KCNH1: variants seen among roughly 807,000 people sequenced by gnomAD.
KCNH1 encodes the protein potassium voltage-gated channel subfamily H member 1.
A neutral mutation model predicts 69.2 loss-of-function variants in KCNH1; 27 were observed. The ratio of observed to expected loss-of-function variants is 0.39; its 90% CI spans 0.29 to 0.54. KCNH1 has a LOEUF of 0.54. Among genes scored for constraint, KCNH1 ranks in the 20% least tolerant of loss-of-function variants. KCNH1 has a pLI of 0.68. For synonymous variants in KCNH1, 456 were observed against 487.7 expected (o/e 0.93, Z 0.86); for missense variants, 798 against 1,261.6 (o/e 0.63, Z 5.57).
rs1681274190 is a variant in KCNH1 at position 210,681,844 on chromosome 1, G to A, written c.*1437C>T. The stretch of plus-strand genomic sequence containing the variant: ...TTTGGGGTCCTGACACCTCTCTCTA[G>A]GGCATATGCCCCGGCCAGCTCCACT... On this transcript the variant is annotated 3_prime_UTR_variant, in exon 11 of 11. Transcript: ENST00000271751. 1 of 152,184 alleles carries A rather than the reference G, an allele frequency of 6.6e-6. No individual in the cohort carries two copies. 9.4% of individuals were successfully genotyped at this position (152,184 alleles called of 1,614,324 possible).
At chr1:211,050,811 A>C (rs999085046) in intron 5 of KCNH1, among the ~76,000 whole-genome samples, 5 of 152,162 alleles carry the variant, frequency 3.3e-5, no homozygotes, top group Non-Finnish European at 7.4e-5. Context: ...GGAAGGAGTT[A>C]ATGTGAAAAG....
intron 7 of KCNH1, among the ~76,000 whole-genome samples, chr1:210,874,156 C>T (rs1686314310): frequency 6.6e-6 from 1 of 152,192 alleles, no homozygotes; most frequent in Non-Finnish European, 1.5e-5. Flanking sequence ...CTGCTGGGCA[C>T]TGTAGCAGCT....
intron 6 of KCNH1, among the ~76,000 whole-genome samples, chr1:210,998,546 C>A (rs562232283): frequency 6.6e-6 from 1 of 152,278 alleles, no homozygotes; most frequent in Non-Finnish European, 1.5e-5. Flanking sequence ...GACTTAGACT[C>A]CCACACGATA....
At chr1:211,030,246 T>C (rs1689758218) in intron 5 of KCNH1, among the ~76,000 whole-genome samples, 1 of 152,238 alleles carries the variant, frequency 6.6e-6, no homozygotes, top group South Asian at 2.1e-4. Flanking sequence ...CATCAAATTA[T>C]ATACATTAAA....
At chr1:210,771,699 T>C (rs1432988558) in intron 10 of KCNH1, among the ~76,000 whole-genome samples, 1 of 152,238 alleles carries the variant, frequency 6.6e-6, no homozygotes, top group Non-Finnish European at 1.5e-5. Flanking sequence ...GCAAATATTA[T>C]CTTATTTAAT....
At chr1:210,874,896 C>T (rs1686334487) in intron 7 of KCNH1, among the ~76,000 whole-genome samples, 1 of 152,070 alleles carries the variant, frequency 6.6e-6, no homozygotes, top group Non-Finnish European at 1.5e-5. Flanking sequence ...TCCAAATACA[C>T]AGACTGAAGG....
intron 9 of KCNH1, among the ~76,000 whole-genome samples, chr1:210,782,690 C>T (rs1684010670): frequency 6.6e-6 from 1 of 151,700 alleles, no homozygotes; most frequent in Admixed American, 6.6e-5. Context: ...TGTGCCATTG[C>T]ATTCTGTCCT....
chr1:211,025,685 C>T (rs1046243756), intron 5 of KCNH1, among the ~76,000 whole-genome samples: 2 of 152,056 alleles, frequency 1.3e-5, no homozygotes, highest in Non-Finnish European at 2.9e-5. Flanking sequence ...GCTACCCTGA[C>T]GCACCATAAT....
intron 6 of KCNH1, among the ~76,000 whole-genome samples, chr1:210,963,229 G>C (rs978580916): frequency 6.6e-6 from 1 of 151,960 alleles, no homozygotes; most frequent in Admixed American, 6.6e-5. Context: ...AAACAGAAAA[G>C]AAGAGCATCA....
rs1240657161 is a variant in KCNH1 at position 210,784,240 on chromosome 1, A to G, written c.1916-8696T>C. Among the ~76,000 whole-genome samples the G allele has an allele frequency of 2.6e-5, 4 of 152,216 alleles. No individual in the cohort carries two copies. In the East Asian group the frequency reaches 7.7e-4, roughly 29 times the overall value. On this transcript the variant is annotated intron_variant, in intron 9 of 10. Coordinates refer to ENST00000271751, the MANE Select transcript of KCNH1 (RefSeq NM_172362.3). The stretch of plus-strand genomic sequence containing the variant: ...ACATGGGAGAAGAGTAGGTAAACAA[A>G]GTTTTGACATCTTATAAATGTTGCC...
intron 6 of KCNH1, among the ~76,000 whole-genome samples, chr1:210,931,232 C>T (rs1687674366): frequency 6.6e-6 from 1 of 152,110 alleles, no homozygotes; most frequent in Non-Finnish European, 1.5e-5. Flanking sequence ...TATTGCAGCA[C>T]AATTTGCAAT....
At chr1:211,004,167 T>G (rs1689237399) in intron 6 of KCNH1, among the ~76,000 whole-genome samples, 1 of 151,992 alleles carries the variant, frequency 6.6e-6, no homozygotes, top group Non-Finnish European at 1.5e-5. Flanking sequence ...TTTCAAGAAT[T>G]AAAACAAAAT....
chr1:211,099,345 T>A (rs1034833038), intron 3 of KCNH1, among the ~76,000 whole-genome samples: 5 of 152,148 alleles, frequency 3.3e-5, no homozygotes, highest in Non-Finnish European at 7.4e-5. Flanking sequence ...TTCATCATGG[T>A]AAAAATGCAT....
chr1:211,062,433 G>A (rs1389986526), intron 5 of KCNH1, among the ~76,000 whole-genome samples: 1 of 152,050 alleles, frequency 6.6e-6, no homozygotes, highest in East Asian at 1.9e-4. Context: ...TACCACACAA[G>A]TACAGGCAAC....
chr1:210,761,371 A>G (rs1322409688), intron 10 of KCNH1, among the ~76,000 whole-genome samples: 1 of 152,040 alleles, frequency 6.6e-6, no homozygotes, highest in African/African-American at 2.4e-5. Flanking sequence ...ACACTACAAC[A>G]GGAACAAAAT....
intron 10 of KCNH1, among the ~76,000 whole-genome samples, chr1:210,738,614 C>T (rs766946730): frequency 8.7e-5 from 12 of 138,456 alleles, no homozygotes; most frequent in South Asian, 2.3e-4. Flanking sequence ...CACTAGGCTC[C>T]GGTGCCGTGG....
chr1:210,943,057 T>C (rs1373277347), intron 6 of KCNH1, among the ~76,000 whole-genome samples: 2 of 152,232 alleles, frequency 1.3e-5, no homozygotes, highest in African/African-American at 4.8e-5. Context: ...CAGTCATTCA[T>C]TCAATTCTCA....
chr1:210,739,987 G>T (rs1449296314), intron 10 of KCNH1, among the ~76,000 whole-genome samples: 1 of 152,138 alleles, frequency 6.6e-6, no homozygotes, highest in Admixed American at 6.5e-5. Flanking sequence ...AAAAAACACA[G>T]AAGCACAAAC....
At chr1:210,860,339 C>T in intron 7 of KCNH1, 1 of 1,444,806 alleles carries the variant, frequency 6.9e-7, no homozygotes, top group Non-Finnish European at 9.7e-7. Context: ...AATTCTGAGA[C>T]ATGCTGTTGT....
Sources: gnomAD v4.1 joint callset for allele counts (sites outside exome capture counted in the v4.1 genomes callset) on GRCh38, gnomAD v4.1.1 for gene constraint, MANE v1.5 for transcripts, NCBI Gene and HGNC (gene_info 2026-07-23, HGNC 2026-07-21) for gene names.